The following PPP2R2C variants were observed in gnomAD, a reference collection of about 807,000 sequenced individuals.
The protein encoded by PPP2R2C is protein phosphatase 2, regulatory subunit B, gamma.
PPP2R2C carries 10 observed loss-of-function variants against 45.3 expected under a neutral mutation model. That is an observed-to-expected ratio of 0.22 (90% CI 0.14 to 0.37). The LOEUF (loss-of-function observed/expected upper bound fraction) is 0.37. PPP2R2C is among the 10% of genes least tolerant of loss of function. The pLI, the probability that PPP2R2C is intolerant of heterozygous loss-of-function variation, is 1.00. For synonymous variants in PPP2R2C, 257 were observed against 245.4 expected, an observed-to-expected ratio of 1.05 and a Z score of -0.44; for missense variants, 308 against 619.7, an observed-to-expected ratio of 0.50 and a Z score of 5.34.
chr4:6,420,827 G>C, intron 1 of PPP2R2C: 1 of 599,452 alleles, frequency 1.7e-6, no homozygotes, highest in Non-Finnish European at 2.1e-6. Context: ...TGGAATGACG[G>C]CTGGGACATG....
rs548041048 is a variant in PPP2R2C at position 6,358,153 on chromosome 4, A to T, written c.626-10143T>A. Among the ~76,000 whole-genome samples, 207 of 152,278 alleles carry T rather than the reference A, an allele frequency of 1.4e-3. 1 individual carries two copies. Among genetic ancestry groups the T allele is most frequent in the African/African-American group, 4.6e-3 (193 of 41,556 alleles). ...CAAAACAGAGATATAGACCAATGGA[A>T]CAGAACAGAGGCCTCAGAAATAACA... is the stretch of plus-strand genomic sequence containing the variant. On this transcript the variant is annotated intron_variant, in intron 5 of 8. Coordinates refer to ENST00000382599, the MANE Select transcript of PPP2R2C (RefSeq NM_020416.4).
chr4:6,409,825 C>T lies in PPP2R2C; in HGVS notation c.71-28731G>A, dbSNP rs188964726. ...GAACATGCCCCGCTCCCCAAACATG[C>T]GGTGCCCTTTTATCCTCCAAGCCTT... On this transcript the variant is annotated intron_variant, in intron 1 of 8. Transcript: ENST00000382599. Among the ~76,000 whole-genome samples, 28 of 152,304 alleles carry T rather than the reference C, an allele frequency of 1.8e-4. No homozygotes were observed. The East Asian group carries it at 1.9e-3, about 11-fold the overall frequency.
chr4:6,339,966 G>A (rs887798050), intron 6 of PPP2R2C, among the ~76,000 whole-genome samples: 1 of 152,200 alleles, frequency 6.6e-6, no homozygotes, highest in African/African-American at 2.4e-5. Context: ...ACACTGGCTT[G>A]CTCCTGGGTT....
At chr4:6,504,452 A>G (rs1723156338) in intron 2 of PPP2R2C, among the ~76,000 whole-genome samples, 1 of 152,120 alleles carries the variant, frequency 6.6e-6, no homozygotes, top group Non-Finnish European at 1.5e-5. Context: ...AATAAAACCC[A>G]AAAGAAAAAA....
intron 1 of PPP2R2C, among the ~76,000 whole-genome samples, chr4:6,392,895 G>C (rs1222012232): frequency 6.6e-6 from 1 of 152,168 alleles, no homozygotes; most frequent in Non-Finnish European, 1.5e-5. Flanking sequence ...AGAGGAAGCA[G>C]ACCCTCACTG....
At chr4:6,412,905 C>A (rs11731380) in intron 1 of PPP2R2C, among the ~76,000 whole-genome samples, 40,992 of 152,054 alleles carry the variant, frequency 0.27, 5,896 homozygotes, top group Admixed American at 0.38. Context: ...CACCTGTGAA[C>A]CAGGCATACG....
At chr4:6,490,528 C>T (rs745690394) in intron 2 of PPP2R2C, among the ~76,000 whole-genome samples, 4 of 152,212 alleles carry the variant, frequency 2.6e-5, no homozygotes, top group Non-Finnish European at 2.9e-5. Flanking sequence ...CCAATCGTGC[C>T]TTGAGGGCTC....
chr4:6,395,752 C>T (rs913060564), intron 1 of PPP2R2C, among the ~76,000 whole-genome samples: 4 of 152,196 alleles, frequency 2.6e-5, no homozygotes, highest in Admixed American at 6.5e-5. Context: ...CGCTTTCCTC[C>T]CCTGTGAAAT....
At chr4:6,464,151 T>A (rs7664936) in intron 1 of PPP2R2C, among the ~76,000 whole-genome samples, 84,135 of 152,144 alleles carry the variant, frequency 0.55, 25,261 homozygotes, top group East Asian at 0.72. Flanking sequence ...CTGGGGCATC[T>A]CCAATGAGAT....
intron 1 of PPP2R2C, among the ~76,000 whole-genome samples, chr4:6,402,773 G>A (rs1237412951): frequency 6.6e-6 from 1 of 152,236 alleles, no homozygotes; most frequent in African/African-American, 2.4e-5. Flanking sequence ...AACCTGAAGG[G>A]TCAGAAAGAG....
chr4:6,535,527 G>A, intron 1 of PPP2R2C: 1 of 584,558 alleles, frequency 1.7e-6, no homozygotes, highest in Non-Finnish European at 3.0e-6. Context: ...GCCAGGGTTG[G>A]AAATGCCTCC....
intron 1 of PPP2R2C, among the ~76,000 whole-genome samples, chr4:6,467,453 A>C (rs964445457): frequency 2.0e-5 from 3 of 152,158 alleles, no homozygotes; most frequent in Non-Finnish European, 4.4e-5. Context: ...CCCCACCAGG[A>C]ACCCAGATCT....
Position 6,386,988 on chromosome 4 carries a change from GTC to G in PPP2R2C, c.71-5896_71-5895del, listed in dbSNP as rs141799453. Among the ~76,000 whole-genome samples the G allele has an allele frequency of 6.3e-3, 964 of 152,160 alleles. 14 individuals are homozygous for G. The highest frequency in any genetic ancestry group is 0.022 in the African/African-American group (898 of 41,516). On this transcript the variant is annotated intron_variant, in intron 1 of 8. Transcript: ENST00000382599. ...CTTAACAGAAATTGCTTAACAGAAAGTCTGAGAAAATAGAAGAGTTAGTGAAC... is the reference window on the plus strand; with the variant it reads ...CTTAACAGAAATTGCTTAACAGAAAGTGAGAAAATAGAAGAGTTAGTGAAC...
Position 6,323,151 on chromosome 4 carries a change from GC to G in PPP2R2C, c.*150del. ...CTAGGAAAGCTGGGGCAGGGAGGGG[GC>G]CCAAACTTCCTGTGTCCACACACTG... is the stretch of plus-strand genomic sequence containing the variant. On this transcript the variant is annotated 3_prime_UTR_variant, in exon 9 of 9. Coordinates refer to ENST00000382599, the MANE Select transcript of PPP2R2C (RefSeq NM_020416.4). 1 of 886,988 alleles carries G rather than the reference GC, an allele frequency of 1.1e-6. No individual in the cohort carries two copies. The allele number at this position is 886,988 out of a possible 1,614,324, so 54.9% of individuals were successfully genotyped here.
chr4:6,428,677 C>A (rs11935460), intron 1 of PPP2R2C, among the ~76,000 whole-genome samples: 3,026 of 152,346 alleles, frequency 0.02, 104 homozygotes, highest in African/African-American at 0.07. Context: ...CCAGACATCA[C>A]TGACACTGCA....
chr4:6,326,023 C>T (rs1439680163), intron 8 of PPP2R2C, among the ~76,000 whole-genome samples: 4 of 152,220 alleles, frequency 2.6e-5, no homozygotes, highest in African/African-American at 4.8e-5. Context: ...TCCCTGTGAG[C>T]GGTCAATCAC....
At chr4:6,512,863 A>C (rs1184960517) in intron 2 of PPP2R2C, among the ~76,000 whole-genome samples, 1 of 152,006 alleles carries the variant, frequency 6.6e-6, no homozygotes, top group African/African-American at 2.4e-5. Flanking sequence ...AGTTCAATTC[A>C]GTTCAAAAGC....
At chr4:6,424,466 T>C (rs1010726466) in intron 1 of PPP2R2C, among the ~76,000 whole-genome samples, 9 of 152,172 alleles carry the variant, frequency 5.9e-5, no homozygotes, top group African/African-American at 2.2e-4. Flanking sequence ...TGCTGAGCCA[T>C]GTCGGGGCAC....
intron 1 of PPP2R2C, among the ~76,000 whole-genome samples, chr4:6,431,626 C>A (rs187758351): frequency 3.4e-4 from 52 of 152,334 alleles, no homozygotes; most frequent in African/African-American, 1.2e-3. Flanking sequence ...TGAGCCCCTC[C>A]TACTTGTATC....
Sources: allele counts gnomAD v4.1 joint callset (sites outside exome capture counted in the v4.1 genomes callset), GRCh38; gene constraint gnomAD v4.1.1; transcripts MANE v1.5; gene names NCBI Gene and HGNC (gene_info 2026-07-23, HGNC 2026-07-21).